Variants in MYO1E observed in about 807,000 individuals in gnomAD.
MYO1E encodes unconventional myosin-Ie.
Under a neutral mutation model 151.1 loss-of-function variants are expected in MYO1E, and 68 were observed. That is an observed-to-expected ratio of 0.45 (90% confidence interval 0.37 to 0.55). The LOEUF (loss-of-function observed/expected upper bound fraction) is 0.55. MYO1E is among the 20% of genes least tolerant of loss of function. The probability of loss-of-function intolerance (pLI) is 0.00; values close to 1 mark genes in which losing one functional copy is unlikely to be tolerated. For missense variants in MYO1E, 1,363 were observed against 1,389.3 expected (o/e 0.98, Z 0.30); for synonymous variants, 601 against 501.7 (o/e 1.20, Z -2.64).
intron 1 of MYO1E, among the ~76,000 whole-genome samples, chr15:59,352,792 G>C (rs1222913457): frequency 2.0e-5 from 3 of 152,052 alleles, no homozygotes; most frequent in African/African-American, 7.2e-5. Flanking sequence ...CCCCTCAAAG[G>C]CTCTAAGGTC....
In MYO1E at chr15:59,159,153, A is replaced by G. The variant is rs895234477; in HGVS notation, c.2786-774T>C. 6.6e-6 allele frequency among the ~76,000 whole-genome samples: 1 copy of G among 152,240 alleles called. No homozygotes were observed. Among genetic ancestry groups the G allele is most frequent in the African/African-American group, 2.4e-5 (1 of 41,470 alleles). On this transcript the variant is annotated intron_variant, in intron 24 of 27. Coordinates refer to ENST00000288235, the MANE Select transcript of MYO1E (RefSeq NM_004998.4). This position sits in a 1 kb window ranked among gnomAD's most constrained non-coding sequence, Gnocchi z 4.4. ...AAGGGTAGGAGGTGACAAGGTGCAC[A>G]GTGCAAACACAGCAAAGGAGCTGCA...
At chr15:59,205,354 T>C in intron 15 of MYO1E, 46 bp downstream of exon 15, 1 of 1,575,494 alleles carries the variant, frequency 6.3e-7, no homozygotes, top group African/African-American at 1.3e-5. Flanking sequence ...TATTGAAAAT[T>C]TCATCAAACC....
At chr15:59,277,499 C>T (rs1376083170) in intron 1 of MYO1E, among the ~76,000 whole-genome samples, 12 of 148,792 alleles carry the variant, frequency 8.1e-5, no homozygotes, top group East Asian at 2.0e-4. Flanking sequence ...GAGCTGAGAT[C>T]GGGCCACTGC....
intron 1 of MYO1E, among the ~76,000 whole-genome samples, chr15:59,346,137 C>A (rs1446312232): frequency 6.6e-6 from 1 of 152,158 alleles, no homozygotes; most frequent in Admixed American, 6.5e-5. Flanking sequence ...CCTCATTCAG[C>A]TAGGCAGAAT....
chr15:59,235,183 T>G (rs930114529), intron 5 of MYO1E, among the ~76,000 whole-genome samples: 1 of 152,240 alleles, frequency 6.6e-6, no homozygotes, highest in African/African-American at 2.4e-5. Context: ...ATCCTTTCTC[T>G]GTCTACGTCC....
At chr15:59,205,508 C>G (rs771903798) in intron 14 of MYO1E, 23 bp from the exon 15 acceptor site, 7 of 1,492,258 alleles carry the variant, frequency 4.7e-6, no homozygotes, top group Non-Finnish European at 6.4e-6. Context: ...GGAAAGAAAT[C>G]GAATTTCATT....
chr15:59,282,388 G>A (rs1299443874), intron 1 of MYO1E, among the ~76,000 whole-genome samples: 1 of 152,136 alleles, frequency 6.6e-6, no homozygotes, highest in East Asian at 1.9e-4. Context: ...CAGGGTCAGG[G>A]CTTGTCTTGA....
At chr15:59,332,158 AT>A (rs1344189820) in intron 1 of MYO1E, among the ~76,000 whole-genome samples, 1 of 152,204 alleles carries the variant, frequency 6.6e-6, no homozygotes, top group Non-Finnish European at 1.5e-5. Context: ...GAAATAGATA[AT>A]GTAGACATTA....
intron 9 of MYO1E, chr15:59,218,394 C>A: frequency 2.0e-6 from 1 of 491,224 alleles, no homozygotes; most frequent in South Asian, 1.8e-5. Context: ...AGATCACAGT[C>A]AAATGCCTAA....
chr15:59,278,686 C>T (rs10152114), intron 1 of MYO1E, among the ~76,000 whole-genome samples: 1,822 of 152,232 alleles, frequency 0.012, 14 homozygotes, highest in Middle Eastern at 0.044. Flanking sequence ...CTTCAGTGCA[C>T]AGAGTACAAT....
chr15:59,340,545 A>T (rs1163119307), intron 1 of MYO1E, among the ~76,000 whole-genome samples: 1 of 152,220 alleles, frequency 6.6e-6, no homozygotes, highest in African/African-American at 2.4e-5. Context: ...TACCATGTGT[A>T]GTATCAAATA....
Position 59,172,022 on chromosome 15 carries a change from G to C in MYO1E, c.2355C>G (p.Leu785=), listed in dbSNP as rs746300003. The part of the protein sequence containing the change: ...RRFKGVKRDL[L]LTPKCLYLIG... ...TTAAGTACAAGCACTTTGGGGTAAG[G>C]AGCAGGTCTCGCTTTACACCCTGTA... The change falls in exon 22 of 28, where the codon CTC becomes CTG. Residue 785 remains leucine, a synonymous_variant. Transcript: ENST00000288235. The C allele has an allele frequency of 1.9e-6, 3 of 1,614,038 alleles. No homozygotes were observed. The highest frequency in any genetic ancestry group is 2.5e-6 in the Non-Finnish European group (3 of 1,180,046).
intron 20 of MYO1E, 64 bp downstream of exon 20, chr15:59,174,060 CTT>C: frequency 6.6e-7 from 1 of 1,517,106 alleles, no homozygotes; most frequent in Non-Finnish European, 9.1e-7. Flanking sequence ...GAACTTAAAA[CTT>C]CACTTAAGCT....
chr15:59,339,173 G>A (rs1343350946), intron 1 of MYO1E, among the ~76,000 whole-genome samples: 1 of 152,194 alleles, frequency 6.6e-6, no homozygotes, highest in African/African-American at 2.4e-5. Context: ...TCAACTTGAA[G>A]TAGTAATAAT....
At chr15:59,315,467 T>C (rs145891883) in intron 1 of MYO1E, among the ~76,000 whole-genome samples, 11 of 151,330 alleles carry the variant, frequency 7.3e-5, no homozygotes, top group South Asian at 2.1e-4. Context: ...GATGGGTTGA[T>C]AGGTGAAGCA....
At chr15:59,310,819 C>T (rs570299163) in intron 1 of MYO1E, among the ~76,000 whole-genome samples, 87 of 151,568 alleles carry the variant, frequency 5.7e-4, no homozygotes, top group African/African-American at 1.8e-3. Flanking sequence ...TTGGTAGTTT[C>T]GTATATATAC....
At chr15:59,149,474 AT>A (rs11286231) in intron 26 of MYO1E, among the ~76,000 whole-genome samples, 48,231 of 152,098 alleles carry the variant, frequency 0.32, 7,810 homozygotes, top group Admixed American at 0.41. Context: ...CAAGATCCTG[AT>A]TCCCACGCAG....
At chr15:59,353,270 T>C (rs1266283621) in intron 1 of MYO1E, among the ~76,000 whole-genome samples, 5 of 148,110 alleles carry the variant, frequency 3.4e-5, no homozygotes, top group South Asian at 2.1e-4. Context: ...GGTAAGAGGA[T>C]TGCTTGACCC....
intron 1 of MYO1E, among the ~76,000 whole-genome samples, chr15:59,295,768 G>C (rs2080444883): frequency 6.6e-6 from 1 of 152,142 alleles, no homozygotes; most frequent in Non-Finnish European, 1.5e-5. Context: ...TCCTGCTTTG[G>C]AGGACCCCAA....
Sources: gnomAD v4.1 joint callset for allele counts (sites outside exome capture counted in the v4.1 genomes callset) on GRCh38, gnomAD v4.1.1 for gene constraint, Gnocchi (gnomAD v3.1) non-coding constraint, MANE v1.5 for transcripts, NCBI Gene and HGNC (gene_info 2026-07-23, HGNC 2026-07-21) for gene names.